The following COL28A1 variants were observed in gnomAD, a reference collection of about 807,000 sequenced individuals.
COL28A1 encodes collagen alpha-1(XXVIII) chain.
Under a neutral mutation model 150.2 loss-of-function variants are expected in COL28A1, and 161 were observed. The ratio of observed to expected loss-of-function variants is 1.07; its 90% confidence interval spans 0.94 to 1.22. The LOEUF is 1.22. Ranked by LOEUF, COL28A1 falls within the 50% of genes most tolerant of loss-of-function variation. The probability of loss-of-function intolerance (pLI) is 0.00; values close to 1 mark genes in which losing one functional copy is unlikely to be tolerated. For synonymous variants in COL28A1, 552 were observed against 469.7 expected (o/e 1.18, Z -2.26); for missense variants, 1,617 against 1,388.3 (o/e 1.16, Z -2.62).
At chr7:7,540,834 G>A (rs1239905781), upstream of COL28A1, among the ~76,000 whole-genome samples, 1 of 152,118 alleles carries the variant, frequency 6.6e-6, no homozygotes, top group Non-Finnish European at 1.5e-5. Flanking sequence ...CGAACCCTGG[G>A]TTGAAAAACT....
chr7:7,503,740 G>T (rs1780656720), intron 11 of COL28A1, among the ~76,000 whole-genome samples: 1 of 152,154 alleles, frequency 6.6e-6, no homozygotes, highest in South Asian at 2.1e-4. Flanking sequence ...GATCCAAAGA[G>T]CAGTAGAAAT....
chr7:7,397,910 C>G (rs1051866768), intron 27 of COL28A1, among the ~76,000 whole-genome samples: 2 of 152,102 alleles, frequency 1.3e-5, no homozygotes, highest in Non-Finnish European at 2.9e-5. Flanking sequence ...CTTCACCTGA[C>G]GTAACTAAAA....
chr7:7,419,900 T>C lies in COL28A1; in HGVS notation c.2052A>G (p.Gly684=). The change falls in exon 26 of 35, where the codon GGA becomes GGG. Residue 684 remains glycine, a synonymous_variant. Transcript: ENST00000399429. ...PPGPSGPRGV[G]TQGPKGDTGQ... ...GAGGACTCACCTTTGGCCCTTGGGT[T>C]CCTACGCCCCGAGGCCCAGAAGGAC... is the stretch of plus-strand genomic sequence containing the variant. 8 of 1,600,000 alleles carry C rather than the reference T, an allele frequency of 5.0e-6. No individual in the cohort carries two copies. The highest frequency in any genetic ancestry group is 6.8e-6 in the Non-Finnish European group (8 of 1,173,890).
At chr7:7,363,941 C>T (rs1225522371) in intron 33 of COL28A1, among the ~76,000 whole-genome samples, 3 of 152,062 alleles carry the variant, frequency 2.0e-5, no homozygotes, top group Non-Finnish European at 2.9e-5. Context: ...CCACCACGCC[C>T]AGCCTCCTCC....
At chr7:7,487,296 C>G (rs6964593) in intron 13 of COL28A1, among the ~76,000 whole-genome samples, 1 of 152,014 alleles carries the variant, frequency 6.6e-6, no homozygotes, top group African/African-American at 2.4e-5. Context: ...AAATTTTTTA[C>G]GCGGGGCACA....
At chr7:7,397,416 A>G (rs529482640) in intron 27 of COL28A1, among the ~76,000 whole-genome samples, 1 of 152,156 alleles carries the variant, frequency 6.6e-6, no homozygotes, top group East Asian at 1.9e-4. Context: ...ATTTAAGGTA[A>G]TATGTACTAA....
chr7:7,471,601 C>A (rs1788437393), intron 15 of COL28A1, among the ~76,000 whole-genome samples: 1 of 152,262 alleles, frequency 6.6e-6, no homozygotes, highest in Middle Eastern at 3.4e-3. Flanking sequence ...ACCACATGAA[C>A]AGAATAAAAC....
chr7:7,490,402 T>A (rs1779852529), intron 12 of COL28A1, among the ~76,000 whole-genome samples, 176 bp downstream of exon 12: 2 of 152,238 alleles, frequency 1.3e-5, no homozygotes, highest in South Asian at 4.1e-4. Context: ...TAATTATTCT[T>A]GTGGTAACTG....
At chr7:7,462,784 G>A (rs73346346) in intron 15 of COL28A1, among the ~76,000 whole-genome samples, 7,167 of 151,838 alleles carry the variant, frequency 0.047, 495 homozygotes, top group African/African-American at 0.16. Flanking sequence ...ACTTGAACCC[G>A]GGAGGCAGAA....
In COL28A1 at chr7:7,523,944, G is replaced by A. The variant is rs148177415; in HGVS notation, c.702+285C>T. 4.9e-4 allele frequency among the ~76,000 whole-genome samples: 74 copies of A among 152,268 alleles called. No homozygotes were observed. In the East Asian group the frequency reaches 5.0e-3, roughly 10 times the overall value. ...CAGATACATGCTTAGAATAAAGGAA[G>A]CACATCAAAGTAAGCAAAAACTATG... On this transcript the variant is annotated intron_variant, in intron 4 of 34. Coordinates refer to ENST00000399429, the MANE Select transcript of COL28A1 (RefSeq NM_001037763.3).
At position 7,383,288 on chromosome 7, in the gene COL28A1, G is replaced by GT. The variant is rs1160911194; in HGVS notation, c.2137-1677dup. On this transcript the variant is annotated intron_variant, in intron 27 of 34. Transcript: ENST00000399429. ...TGTGTGTGTGTGTGTGTGTGTGTGT[G>GT]TTTTTTTTGAGACAGAGTCTCACTC... 1.5e-3 allele frequency among the ~76,000 whole-genome samples: 141 copies of GT among 94,622 alleles called. 1 individual carries two copies. Among genetic ancestry groups the GT allele is most frequent in the African/African-American group, 6.5e-3 (119 of 18,300 alleles). 62.1% of individuals were successfully genotyped at this position (94,622 alleles called of 152,430 possible). A position where few individuals can be genotyped will look rare whatever the true frequency, so the allele number is the denominator to read the frequency against.
intron 11 of COL28A1, among the ~76,000 whole-genome samples, chr7:7,502,401 T>G (rs1281892737): frequency 2.0e-5 from 3 of 152,204 alleles, no homozygotes; most frequent in African/African-American, 7.2e-5. Flanking sequence ...GGAGCACATT[T>G]TTTCCTGACT....
chr7:7,356,132 T>C (rs1583205047), downstream of COL28A1: 1 of 151,816 alleles, frequency 6.6e-6, no homozygotes, highest in Middle Eastern at 3.4e-3. Flanking sequence ...TCATAAAATA[T>C]ATGGATTAGT....
intron 25 of COL28A1, among the ~76,000 whole-genome samples, chr7:7,424,443 A>G (rs1784543348): frequency 6.6e-6 from 1 of 152,164 alleles, no homozygotes; most frequent in African/African-American, 2.4e-5. Flanking sequence ...GGTACCTAAG[A>G]AGTGCGTTGA....
rs1219827655 is a variant in COL28A1 at position 7,504,556 on chromosome 7, G to T, written c.1026+1458C>A. On this transcript the variant is annotated intron_variant, in intron 11 of 34. Transcript: ENST00000399429. ...AGGAGGAGGAGGAACACCTTTTTAT[G>T]GACCATTCCCTACCATACCACCACA... Among the ~76,000 whole-genome samples, 3 of 152,154 alleles carry T rather than the reference G, an allele frequency of 2.0e-5. No individual in the cohort carries two copies. In the East Asian group the frequency reaches 5.8e-4, roughly 29 times the overall value.
intron 15 of COL28A1, among the ~76,000 whole-genome samples, chr7:7,460,043 C>G (rs894438352): frequency 6.6e-6 from 1 of 152,232 alleles, no homozygotes; most frequent in Non-Finnish European, 1.5e-5. Flanking sequence ...AATACTCAAT[C>G]CTAAACTTAT....
the COL28A1 span, among the ~76,000 whole-genome samples, chr7:7,342,393 C>A: frequency 6.6e-6 from 1 of 151,934 alleles, no homozygotes; most frequent in East Asian, 1.9e-4. Flanking sequence ...TTACTCTTTG[C>A]CTCTTAATTG....
chr7:7,525,098 T>C (rs556726198), intron 3 of COL28A1, among the ~76,000 whole-genome samples: 2 of 152,286 alleles, frequency 1.3e-5, no homozygotes, highest in East Asian at 1.9e-4. Flanking sequence ...TAAAAAATGA[T>C]CATTATGAAA....
intron 2 of COL28A1, 136 bp downstream of exon 2, chr7:7,532,614 CAT>C: frequency 9.0e-7 from 1 of 1,107,714 alleles, no homozygotes; most frequent in Non-Finnish European, 1.2e-6. Flanking sequence ...ATATTATCAT[CAT>C]ATAATTTTAT....
Sources: allele counts gnomAD v4.1 joint callset (sites outside exome capture counted in the v4.1 genomes callset), GRCh38; gene constraint gnomAD v4.1.1; transcripts MANE v1.5; gene names NCBI Gene and HGNC (gene_info 2026-07-23, HGNC 2026-07-21).